TDO2: variants seen among roughly 807,000 people sequenced by gnomAD.
The protein encoded by TDO2 is tryptamin 2,3-dioxygenase.
In TDO2, 63 loss-of-function variants were observed where a neutral mutation model predicts 61.2. That is an observed-to-expected ratio of 1.03 (90% confidence interval 0.84 to 1.27). The LOEUF (loss-of-function observed/expected upper bound fraction) is 1.27. Ranked by LOEUF, TDO2 falls within the 50% of genes most tolerant of loss-of-function variation. The pLI is 0.00. For missense variants in TDO2, 494 were observed against 469.5 expected, an observed-to-expected ratio of 1.05 and a Z score of -0.48; for synonymous variants, 183 against 164.0, an observed-to-expected ratio of 1.12 and a Z score of -0.89.
chr4:155,907,908 A>G (rs1224017126), intron 4 of TDO2, 116 bp downstream of exon 4: 22 of 700,914 alleles, frequency 3.1e-5, no homozygotes, highest in Admixed American at 2.7e-5. Flanking sequence ...TAATGATAGA[A>G]CAAACAGACA....
chr4:155,911,054 C>T (rs986634294), intron 6 of TDO2, among the ~76,000 whole-genome samples: 5 of 151,874 alleles, frequency 3.3e-5, no homozygotes, highest in African/African-American at 1.2e-4. Flanking sequence ...GTATACAGTG[C>T]CCATGAATTT....
rs773931901 is a variant in TDO2, at chr4:155,919,905, C to A, written c.1136C>A (p.Pro379Gln). The change falls in exon 12 of 12, where the codon CCG (proline) becomes CAG (glutamine). Residue 379 changes from proline to glutamine, a missense_variant. Physicochemically the swap from Pro to Gln is moderately conservative, Grantham distance 76. Transcript: ENST00000536354. ...STYLIPRHWI[P>Q]KMNPTIHKFL... Reference sequence around the variant, plus strand: ...TACCTGATTCCCCGACACTGGATACCGAAGATGAACCCAACCATTCACAAA... The same window carrying A: ...TACCTGATTCCCCGACACTGGATACAGAAGATGAACCCAACCATTCACAAA... 1.2e-6 allele frequency: 2 copies of A among 1,613,330 alleles called. No homozygotes were observed. Among genetic ancestry groups the A allele is most frequent in the Non-Finnish European group, 1.7e-6 (2 of 1,179,612 alleles).
At chr4:155,918,541 T>C (rs1056688024) in intron 11 of TDO2, among the ~76,000 whole-genome samples, 2 of 152,182 alleles carry the variant, frequency 1.3e-5, no homozygotes, top group African/African-American at 4.8e-5. Flanking sequence ...TTCAACTCAT[T>C]GTGACTCAAG....
At chr4:155,919,754 A>G in intron 11 of TDO2, 83 bp from the exon 12 acceptor site, 1 of 1,213,984 alleles carries the variant, frequency 8.2e-7, no homozygotes, top group South Asian at 1.6e-5. Flanking sequence ...TATGGAAAAT[A>G]TCTGAGAAAT....
At chr4:155,917,987 C>G (rs1268110081) in intron 10 of TDO2, among the ~76,000 whole-genome samples, 162 bp from the exon 11 acceptor site, 1 of 152,182 alleles carries the variant, frequency 6.6e-6, no homozygotes, top group Admixed American at 6.5e-5. Context: ...TAGGCAACCT[C>G]ACAGTCTCAT....
chr4:155,903,972 G>C (rs774338361), intron 1 of TDO2, 46 bp from the exon 2 acceptor site: 1 of 1,567,094 alleles, frequency 6.4e-7, no homozygotes, highest in South Asian at 1.1e-5. Context: ...AGTTAACTGT[G>C]TTTTCTAAAG....
chr4:155,906,123 C>T (rs562989580), intron 3 of TDO2: 1 of 152,164 alleles, frequency 6.6e-6, no homozygotes, highest in African/African-American at 2.4e-5. Flanking sequence ...ATCTCAGGAC[C>T]TCCATTTCCC....
intron 5 of TDO2, 134 bp from the exon 6 acceptor site, chr4:155,909,891 C>G (rs1742788348): frequency 4.6e-5 from 1 of 21,578 alleles, no homozygotes; most frequent in Non-Finnish European, 9.4e-5. Context: ...CTCCCCTCCC[C>G]TCCCCTCCCC....
At position 155,909,294 on chromosome 4, in the gene TDO2, T is replaced by A. The variant is rs528070637; in HGVS notation, c.431+280T>A. Among the ~76,000 whole-genome samples the A allele has an allele frequency of 2.0e-5, 3 of 152,314 alleles. No homozygotes were observed. The East Asian group carries it at 5.8e-4, about 29-fold the overall frequency. On this transcript the variant is annotated intron_variant, in intron 5 of 11. Transcript: ENST00000536354. ...AAGAATTTTAGACAACTTAGCACAT[T>A]GACTAAAATAGCTAATAAAATACAT... is the stretch of plus-strand genomic sequence containing the variant.
chr4:155,910,351 C>A (rs536843516), intron 6 of TDO2, 140 bp downstream of exon 6: 6 of 617,376 alleles, frequency 9.7e-6, no homozygotes, highest in African/African-American at 1.9e-5. Flanking sequence ...CATAAAAATA[C>A]ATGAATTTGT....
chr4:155,917,356 C>T, intron 9 of TDO2, 39 bp from the exon 10 acceptor site: 1 of 1,542,416 alleles, frequency 6.5e-7, no homozygotes. Flanking sequence ...ACTCGATTTA[C>T]TTGAATATAT....
chr4:155,914,483 A>T (rs376541692), intron 8 of TDO2, 49 bp downstream of exon 8: 2 of 1,245,258 alleles, frequency 1.6e-6, no homozygotes, highest in Non-Finnish European at 2.2e-6. Flanking sequence ...TGTGAATATG[A>T]GATCAAGACA....
rs757387285 is a variant in TDO2, at chr4:155,911,208, ATGTT to A, written c.619-285_619-282del. 1.3e-4 allele frequency among the ~76,000 whole-genome samples: 20 copies of A among 152,160 alleles called. No homozygotes were observed. The East Asian group carries it at 3.5e-3, about 26-fold the overall frequency. On this transcript the variant is annotated intron_variant, in intron 6 of 11. Transcript: ENST00000536354. ...GTTTAGATAGAACATATGTTTAAAT[ATGTT>A]TGTAGATTTCTAGAAGACAATTGGA... is the stretch of plus-strand genomic sequence containing the variant.
chr4:155,904,440 T>C (rs571339131), intron 2 of TDO2, among the ~76,000 whole-genome samples: 1 of 152,324 alleles, frequency 6.6e-6, no homozygotes, highest in Non-Finnish European at 1.5e-5. Context: ...ACATGGTTAA[T>C]AAATGTCAGC....
Position 155,915,866 on chromosome 4 carries a change from C to T in TDO2, c.850C>T (p.Leu284=), listed in dbSNP as rs1742922908. ...TATGTATTTTGCAGGTGAAAGACGG[C>T]TGTCATACAGAGCACTTCAGGGAGC... ...EHLLSKGERR[L]SYRALQGALM... Residue 284 remains leucine (L), a synonymous_variant, in exon 9 of 12, where the codon CTG becomes TTG. Transcript: ENST00000536354. 1.2e-6 allele frequency: 2 copies of T among 1,609,464 alleles called. No individual in the cohort carries two copies. Among genetic ancestry groups the T allele is most frequent in the Non-Finnish European group, 1.7e-6 (2 of 1,178,568 alleles).
At chr4:155,917,603 T>C (rs769224692) in intron 10 of TDO2, 129 bp downstream of exon 10, 13 of 692,772 alleles carry the variant, frequency 1.9e-5, no homozygotes, top group Non-Finnish European at 2.8e-5. Flanking sequence ...GTGCATTCTT[T>C]TATACAAATC....
At chr4:155,904,882 T>TA (rs1421616441) in intron 2 of TDO2, among the ~76,000 whole-genome samples, 185 bp from the exon 3 acceptor site, 1 of 152,162 alleles carries the variant, frequency 6.6e-6, no homozygotes. Context: ...CTGAGAAGAA[T>TA]AAAAATCACA....
chr4:155,903,913 T>C (rs1742670975), intron 1 of TDO2, 105 bp from the exon 2 acceptor site: 1 of 1,504,510 alleles, frequency 6.6e-7, no homozygotes, highest in Non-Finnish European at 9.2e-7. Context: ...TGTCTAACAA[T>C]CTACTCTAAA....
chr4:155,905,214 G>A, intron 3 of TDO2, 57 bp downstream of exon 3: 4 of 1,244,526 alleles, frequency 3.2e-6, no homozygotes, highest in Admixed American at 2.6e-5. Flanking sequence ...TTGATAACGA[G>A]GAAAGCTACA....
Sources: gnomAD v4.1 joint callset for allele counts (sites outside exome capture counted in the v4.1 genomes callset) on GRCh38, gnomAD v4.1.1 for gene constraint, MANE v1.5 for transcripts, NCBI Gene and HGNC (gene_info 2026-07-23, HGNC 2026-07-21) for gene names.